RBFOX1: variants seen among roughly 807,000 people sequenced by gnomAD.
RBFOX1 encodes RNA binding protein fox-1 homolog 1.
Under a neutral mutation model 57.7 loss-of-function variants are expected in RBFOX1, and 8 were observed. That is an observed-to-expected ratio of 0.14 (90% CI 0.08 to 0.25). RBFOX1 has a LOEUF of 0.25. Among genes scored for constraint, RBFOX1 ranks in the 10% least tolerant of loss-of-function variants. The pLI is 1.00. For missense variants in RBFOX1, 611 were observed against 548.5 expected (o/e 1.11, Z -1.14); for synonymous variants, 326 against 222.4 (o/e 1.47, Z -4.15).
chr16:6,051,933 C>T (rs966301746), intron 1 of RBFOX1, among the ~76,000 whole-genome samples: 2 of 152,050 alleles, frequency 1.3e-5, no homozygotes, highest in African/African-American at 4.8e-5. Flanking sequence ...AGTTCCACTG[C>T]CAGAGTCAGA....
rs1471427048 is a variant in RBFOX1 at position 6,810,143 on chromosome 16, G to T, written c.-16+155493G>T. On this transcript the variant is annotated intron_variant, in intron 3 of 15. Coordinates refer to ENST00000550418, the MANE Select transcript of RBFOX1 (RefSeq NM_018723.4). ...TTTACCAACAAATATGCCTCTTATG[G>T]ACAGGGATAGGGATTACGGATCACT... 4.6e-5 allele frequency among the ~76,000 whole-genome samples: 7 copies of T among 151,958 alleles called. 1 individual carries two copies. In the South Asian group the frequency reaches 1.5e-3, roughly 32 times the overall value.
At chr16:7,002,371 T>C (rs1207421209) in intron 3 of RBFOX1, among the ~76,000 whole-genome samples, 1 of 152,230 alleles carries the variant, frequency 6.6e-6, no homozygotes, top group African/African-American at 2.4e-5. Context: ...ATTGCCCTGA[T>C]ATGAAGGTTT....
intron 4 of RBFOX1, among the ~76,000 whole-genome samples, chr16:5,922,836 G>T (rs780485357): frequency 6.6e-6 from 1 of 152,268 alleles, no homozygotes; most frequent in East Asian, 1.9e-4. Context: ...ACAGAAGGAA[G>T]TGTAAAATAT....
chr16:6,358,537 TTAA>T (rs2087805753), intron 2 of RBFOX1, among the ~76,000 whole-genome samples: 1 of 152,228 alleles, frequency 6.6e-6, no homozygotes, highest in Non-Finnish European at 1.5e-5. Flanking sequence ...TTTTTCATTA[TTAA>T]CAATTTGAAT....
chr16:7,028,606 ACAC>A lies in RBFOX1; in HGVS notation c.-15-23450_-15-23448del, dbSNP rs138877573. On this transcript the variant is annotated intron_variant, in intron 3 of 15. Transcript: ENST00000550418. ...CCCTCACACACACACACACACACAC[ACAC>A]AAAAAAAAAAAAAAAAAAAAAAAAA... 2.5e-3 allele frequency among the ~76,000 whole-genome samples: 102 copies of A among 40,030 alleles called. 1 individual carries two copies. Among genetic ancestry groups the A allele is most frequent in the African/African-American group, 5.5e-3 (43 of 7,756 alleles). The allele number at this position is 40,030 out of a possible 152,430, so 26.3% of individuals were successfully genotyped here.
At chr16:6,198,488 T>C (rs564208436) in intron 1 of RBFOX1, among the ~76,000 whole-genome samples, 114 of 152,312 alleles carry the variant, frequency 7.5e-4, no homozygotes, top group Non-Finnish European at 1.2e-3. Context: ...GGACAATGAA[T>C]GCTTTTGCGA....
intron 3 of RBFOX1, among the ~76,000 whole-genome samples, chr16:7,048,315 A>T (rs1345655276): frequency 1.3e-5 from 2 of 152,142 alleles, no homozygotes; most frequent in East Asian, 3.9e-4. Context: ...GCTAGAGTGC[A>T]GTGGCACAAT....
At chr16:5,911,722 G>C (rs11866608) in intron 4 of RBFOX1, among the ~76,000 whole-genome samples, 41,479 of 152,092 alleles carry the variant, frequency 0.27, 6,418 homozygotes, top group East Asian at 0.49. Context: ...GGCAGATTCC[G>C]TGTCTGGTGA....
intron 4 of RBFOX1, among the ~76,000 whole-genome samples, chr16:7,172,841 T>C (rs749533586): frequency 1.3e-5 from 2 of 152,106 alleles, no homozygotes; most frequent in African/African-American, 2.4e-5. Flanking sequence ...AAGTGAGGGT[T>C]TAGAGAACAT....
chr16:7,054,817 C>G (rs368046238), intron 4 of RBFOX1, among the ~76,000 whole-genome samples: 27 of 152,210 alleles, frequency 1.8e-4, no homozygotes, highest in African/African-American at 6.0e-4. Context: ...TGTCGAGGGT[C>G]CTTCATTAGT....
At chr16:5,293,167 A>G (rs1047887918) in intron 1 of RBFOX1, among the ~76,000 whole-genome samples, 5 of 152,042 alleles carry the variant, frequency 3.3e-5, no homozygotes, top group Admixed American at 1.3e-4. Context: ...CTAAAAATAC[A>G]AAAATTAGCC....
chr16:6,371,939 A>G (rs1159109980), intron 2 of RBFOX1, among the ~76,000 whole-genome samples: 1 of 152,168 alleles, frequency 6.6e-6, no homozygotes. Context: ...CAGAAGAGAG[A>G]CTTCATATTT....
chr16:6,884,188 G>A (rs895810864), intron 3 of RBFOX1, among the ~76,000 whole-genome samples: 3 of 152,168 alleles, frequency 2.0e-5, no homozygotes, highest in Admixed American at 2.0e-4. Flanking sequence ...TGCTCACAGG[G>A]CATGCTTCCT....
intron 1 of RBFOX1, among the ~76,000 whole-genome samples, chr16:5,268,134 A>C (rs936266035): frequency 2.0e-5 from 3 of 152,082 alleles, no homozygotes; most frequent in African/African-American, 4.8e-5. Flanking sequence ...CTCTAACACA[A>C]ATTTGGTAAG....
intron 1 of RBFOX1, among the ~76,000 whole-genome samples, chr16:6,111,033 A>C (rs1218876199): frequency 1.3e-5 from 2 of 152,126 alleles, no homozygotes; most frequent in Non-Finnish European, 2.9e-5. Flanking sequence ...AGAGATTCTC[A>C]TGGGTTATAC....
At chr16:6,973,297 G>A (rs907766394) in intron 3 of RBFOX1, among the ~76,000 whole-genome samples, 4 of 152,082 alleles carry the variant, frequency 2.6e-5, no homozygotes, top group African/African-American at 9.7e-5. Flanking sequence ...TTTCTTATGT[G>A]CCATGCAGAC....
At chr16:7,083,366 C>T (rs143561352) in intron 4 of RBFOX1, among the ~76,000 whole-genome samples, 52 of 152,028 alleles carry the variant, frequency 3.4e-4, no homozygotes, top group Middle Eastern at 3.4e-3. Flanking sequence ...CATGTTCAAG[C>T]AGGTGGGAGA....
chr16:7,448,064 C>G (rs140527490), intron 4 of RBFOX1, among the ~76,000 whole-genome samples: 151 of 152,306 alleles, frequency 9.9e-4, no homozygotes, highest in Non-Finnish European at 4.4e-5. Flanking sequence ...ACTGACTAAT[C>G]TAAGGGCCAC....
At chr16:5,598,646 C>T (rs1567278720) in intron 2 of RBFOX1, among the ~76,000 whole-genome samples, 1 of 152,028 alleles carries the variant, frequency 6.6e-6, no homozygotes, top group Non-Finnish European at 1.5e-5. Context: ...CCTGAAAACC[C>T]AGTGACTATT....
Sources: gnomAD v4.1 joint callset for allele counts (sites outside exome capture counted in the v4.1 genomes callset) on GRCh38, gnomAD v4.1.1 for gene constraint, MANE v1.5 for transcripts, NCBI Gene and HGNC (gene_info 2026-07-23, HGNC 2026-07-21) for gene names.